Variants in PCDHGA9 observed in about 807,000 individuals in gnomAD.
PCDHGA9 encodes protocadherin gamma subfamily A, 9, also known as protocadherin gamma-A9.
In PCDHGA9, 37 loss-of-function variants were observed where a neutral mutation model predicts 62.5. That is an observed-to-expected ratio of 0.59 (90% CI 0.46 to 0.78). The LOEUF (loss-of-function observed/expected upper bound fraction) is 0.78, where lower values mean the gene tolerates loss of function less well. Ranked by LOEUF, PCDHGA9 falls within the 30% of genes least tolerant of loss-of-function variation. PCDHGA9 has a pLI of 0.00. For missense variants in PCDHGA9, 1,138 were observed against 1,166.2 expected (o/e 0.98, Z 0.35); for synonymous variants, 459 against 484.6 (o/e 0.95, Z 0.69).
At chr5:141,509,574 G>A (rs554778751) in intron 3 of PCDHGA9, among the ~76,000 whole-genome samples, 7 of 152,182 alleles carry the variant, frequency 4.6e-5, no homozygotes, top group Non-Finnish European at 5.9e-5. Flanking sequence ...TTCACAGTGC[G>A]TACAAATCAG....
At chr5:141,421,781 G>A (rs1482347889) in intron 1 of PCDHGA9, 1 of 1,613,856 alleles carries the variant, frequency 6.2e-7, no homozygotes, top group Non-Finnish European at 8.5e-7. Context: ...CAACTGCGGG[G>A]CAGAACGGAT....
intron 1 of PCDHGA9, chr5:141,418,421 G>A (rs776535087): frequency 2.5e-6 from 4 of 1,613,966 alleles, no homozygotes; most frequent in Non-Finnish European, 3.4e-6. Flanking sequence ...CAATCCTGAT[G>A]GTGGCAAATA....
intron 1 of PCDHGA9, among the ~76,000 whole-genome samples, chr5:141,444,558 T>C (rs2098440789): frequency 6.6e-6 from 1 of 152,190 alleles, no homozygotes; most frequent in African/African-American, 2.4e-5. Context: ...AAGGCACTTA[T>C]TTGACACTTT....
intron 1 of PCDHGA9, among the ~76,000 whole-genome samples, chr5:141,457,254 A>G (rs2098914828): frequency 6.6e-6 from 1 of 152,222 alleles, no homozygotes; most frequent in Admixed American, 6.5e-5. Flanking sequence ...TTGCCAACAT[A>G]TAGAATTCCC....
chr5:141,439,176 T>C (rs1044289122), intron 1 of PCDHGA9, among the ~76,000 whole-genome samples: 3 of 146,068 alleles, frequency 2.1e-5, no homozygotes, highest in African/African-American at 7.8e-5. Context: ...CTGGGCGACA[T>C]AGTGAGACTC....
chr5:141,433,582 T>TCCCA (rs758953161), intron 1 of PCDHGA9, among the ~76,000 whole-genome samples: 4 of 151,942 alleles, frequency 2.6e-5, no homozygotes, highest in Non-Finnish European at 5.9e-5. Flanking sequence ...ACGCCTGTAA[T>TCCCA]CCCAGTACTT....
chr5:141,427,294 A>G (rs1239553754), intron 1 of PCDHGA9: 6 of 456,876 alleles, frequency 1.3e-5, no homozygotes, highest in Non-Finnish European at 2.2e-5. Context: ...GAAATCCTAG[A>G]TGAGAATGAC....
intron 1 of PCDHGA9, chr5:141,419,541 G>A: frequency 6.2e-7 from 1 of 1,612,076 alleles, no homozygotes; most frequent in Non-Finnish European, 8.5e-7. Context: ...AACGCACCGC[G>A]GGTGCTGTAC....
intron 1 of PCDHGA9, chr5:141,424,652 G>T (rs1392693867): frequency 6.6e-6 from 1 of 152,120 alleles, no homozygotes; most frequent in East Asian, 1.9e-4. Context: ...AAGGTATTTG[G>T]ACTTTAATTA....
At chr5:141,414,948 G>A (rs957548133) in intron 1 of PCDHGA9, 20 of 1,614,084 alleles carry the variant, frequency 1.2e-5, no homozygotes, top group South Asian at 2.2e-5. Flanking sequence ...CCGGCTACCT[G>A]GTGACCAAGG....
At chr5:141,473,228 A>T (rs549587219) in intron 1 of PCDHGA9, among the ~76,000 whole-genome samples, 1 of 152,296 alleles carries the variant, frequency 6.6e-6, no homozygotes, top group African/African-American at 2.4e-5. Context: ...GGGAGATTGG[A>T]TCCACACAAG....
chr5:141,403,719 C>T lies in PCDHGA9; in HGVS notation c.767C>T (p.Pro256Leu), dbSNP rs758160960. The change falls in exon 1 of 4, where the codon CCC becomes CTC. Residue 256 changes from proline to leucine, a missense_variant. By Grantham distance (98) the Pro-to-Leu change is moderately conservative. Coordinates refer to ENST00000573521, the MANE Select transcript of PCDHGA9 (RefSeq NM_018921.3). ...IYRVKVLENV[P>L]PGTWLLTATA... Reference sequence around the variant, plus strand: ...CGAGTTAAAGTCCTTGAGAACGTGCCCCCAGGCACCTGGCTGCTTACTGCA... The same window carrying T: ...CGAGTTAAAGTCCTTGAGAACGTGCTCCCAGGCACCTGGCTGCTTACTGCA... The T allele has an allele frequency of 1.2e-6, 2 of 1,613,864 alleles. No homozygotes were observed. Among genetic ancestry groups the T allele is most frequent in the Non-Finnish European group, 1.7e-6 (2 of 1,179,874 alleles).
chr5:141,491,896 C>A lies in PCDHGA9; in HGVS notation c.2425-2911C>A. ...CGATTAAGGGATGGGGCTCCGAGCA[C>A]CGGGGGTGGTGGCGACTGTGGGCGA... On this transcript the variant is annotated intron_variant, in intron 1 of 3. Coordinates refer to ENST00000573521, the MANE Select transcript of PCDHGA9 (RefSeq NM_018921.3). This position sits in a 1 kb window ranked among gnomAD's most constrained non-coding sequence, Gnocchi z 6.9. 1 of 1,434,504 alleles carries A rather than the reference C, an allele frequency of 7.0e-7. No homozygotes were observed. Among genetic ancestry groups the A allele is most frequent in the Non-Finnish European group, 9.2e-7 (1 of 1,084,690 alleles). The allele number at this position is 1,434,504 out of a possible 1,614,324, so 88.9% of individuals were successfully genotyped here.
chr5:141,490,488 C>A lies in PCDHGA9; in HGVS notation c.2425-4319C>A, dbSNP rs142637733. 6.2e-7 allele frequency: 1 copy of A among 1,614,018 alleles called. No homozygotes were observed. Among genetic ancestry groups the A allele is most frequent in the African/African-American group, 1.3e-5 (1 of 74,904 alleles). ...CCAGCCAGCCTTTGGACCGGGAGGC[C>A]ACATCCCACTATATCATCGAGCTGC... On this transcript the variant is annotated intron_variant, in intron 1 of 3. Coordinates refer to ENST00000573521, the MANE Select transcript of PCDHGA9 (RefSeq NM_018921.3). The surrounding 1 kb of genome is among the most constrained non-coding windows in gnomAD (Gnocchi z 5.4).
rs775270875 is a variant in PCDHGA9 at position 141,410,577 on chromosome 5, A to G, written c.2424+5201A>G. ...TCTCCTGGAGCCTTAATTCCACCTCATGGTGGGGAGGATTTGACTTCACAT... is the reference window on the plus strand; with the variant it reads ...TCTCCTGGAGCCTTAATTCCACCTCGTGGTGGGGAGGATTTGACTTCACAT... On this transcript the variant is annotated intron_variant, in intron 1 of 3. Coordinates refer to ENST00000573521, the MANE Select transcript of PCDHGA9 (RefSeq NM_018921.3). 4 of 1,610,116 alleles carry G rather than the reference A, an allele frequency of 2.5e-6. No homozygotes were observed. In the Admixed American group the frequency reaches 5.0e-5, roughly 20 times the overall value.
At chr5:141,427,509 G>T in intron 1 of PCDHGA9, 1 of 588,640 alleles carries the variant, frequency 1.7e-6, no homozygotes, top group Non-Finnish European at 3.2e-6. Flanking sequence ...TGGGACCCTG[G>T]ATTGGGAGCG....
At chr5:141,464,913 AT>A (rs1366203949) in intron 1 of PCDHGA9, among the ~76,000 whole-genome samples, 1 of 151,428 alleles carries the variant, frequency 6.6e-6, no homozygotes, top group Non-Finnish European at 1.5e-5. Context: ...TAATTTTTTT[AT>A]TTTTTTGTAG....
At chr5:141,458,345 G>A (rs1161535708) in intron 1 of PCDHGA9, among the ~76,000 whole-genome samples, 2 of 152,112 alleles carry the variant, frequency 1.3e-5, no homozygotes, top group Non-Finnish European at 2.9e-5. Context: ...GGAGTGGAGA[G>A]TTTAATAAGC....
chr5:141,404,321 T>A lies in PCDHGA9; in HGVS notation c.1369T>A (p.Tyr457Asn), dbSNP rs764642673. ...DNPPAFSQASYSVYLPENNAR... is the reference protein window; with the variant it reads ...DNPPAFSQASNSVYLPENNAR... ...TCCACCTGCTTTCTCTCAAGCCTCCTACTCAGTCTACCTCCCGGAAAACAA... is the reference window on the plus strand; with the variant it reads ...TCCACCTGCTTTCTCTCAAGCCTCCAACTCAGTCTACCTCCCGGAAAACAA... Residue 457 changes from tyrosine to asparagine, a missense_variant, in exon 1 of 4, where the codon TAC becomes AAC. Tyr to Asn is a moderately radical substitution (Grantham distance 143). Transcript: ENST00000573521. 7 of 1,613,764 alleles carry A rather than the reference T, an allele frequency of 4.3e-6. No homozygotes were observed. Among genetic ancestry groups the A allele is most frequent in the Non-Finnish European group, 3.4e-6 (4 of 1,179,794 alleles).
Sources: gnomAD v4.1 joint callset for allele counts (sites outside exome capture counted in the v4.1 genomes callset) on GRCh38, gnomAD v4.1.1 for gene constraint, Gnocchi (gnomAD v3.1) non-coding constraint, MANE v1.5 for transcripts, NCBI Gene and HGNC (gene_info 2026-07-23, HGNC 2026-07-21) for gene names.